The following CCDC3 variants were observed in gnomAD, a reference collection of about 807,000 sequenced individuals.
CCDC3 encodes coiled-coil domain containing 3.
CCDC3 carries 24 observed loss-of-function variants against 21.4 expected under a neutral mutation model. The ratio of observed to expected loss-of-function variants is 1.12; its 90% CI spans 0.81 to 1.58. The LOEUF (loss-of-function observed/expected upper bound fraction) is 1.58, where lower values mean the gene tolerates loss of function less well. Ranked by LOEUF, CCDC3 falls within the 40% of genes most tolerant of loss-of-function variation. The pLI is 0.00. For missense variants in CCDC3, 425 were observed against 360.9 expected, an observed-to-expected ratio of 1.18 and a Z score of -1.44; for synonymous variants, 186 against 166.0, an observed-to-expected ratio of 1.12 and a Z score of -0.93.
chr10:13,059,789 T>C (rs1283774883), intron 4 of CCDC3, among the ~76,000 whole-genome samples: 1 of 152,048 alleles, frequency 6.6e-6, no homozygotes, highest in Non-Finnish European at 1.5e-5. Context: ...AATCCCAACC[T>C]TTAAAAAAAC....
intron 4 of CCDC3, among the ~76,000 whole-genome samples, chr10:13,056,010 C>T: frequency 6.6e-6 from 1 of 152,170 alleles, no homozygotes; most frequent in Non-Finnish European, 1.5e-5. Context: ...GAAATATTTT[C>T]TACAGGAATA....
At chr10:13,000,187 C>A (rs905441176) in intron 1 of CCDC3, among the ~76,000 whole-genome samples, 1 of 152,206 alleles carries the variant, frequency 6.6e-6, no homozygotes, top group Non-Finnish European at 1.5e-5. Flanking sequence ...CAACCGATCA[C>A]CCCAACAGTG....
In CCDC3 at chr10:12,968,202, T is replaced by TACAC. The variant is rs71386134; in HGVS notation, c.549+30132_549+30135dup. 8.9e-3 allele frequency among the ~76,000 whole-genome samples: 1,285 copies of TACAC among 143,580 alleles called. 22 individuals are homozygous for TACAC. Among genetic ancestry groups the TACAC allele is most frequent in the East Asian group, 0.051 (249 of 4,870 alleles). 94.2% of individuals were successfully genotyped at this position (143,580 alleles called of 152,430 possible). ...AAAAGAAAATACAAACACACACACA[T>TACAC]ACACACACACACACACACACACAGA... On this transcript the variant is annotated intron_variant, in intron 2 of 2. Transcript: ENST00000378825.
At chr10:12,955,561 TTTTC>T (rs1835070794) in intron 2 of CCDC3, among the ~76,000 whole-genome samples, 1 of 152,124 alleles carries the variant, frequency 6.6e-6, no homozygotes, top group African/African-American at 2.4e-5. Context: ...TCATATTTTT[TTTTC>T]TTTGAGAGAC....
intron 2 of CCDC3, among the ~76,000 whole-genome samples, chr10:12,930,759 G>C (rs1366099410): frequency 6.6e-6 from 1 of 152,136 alleles, no homozygotes; most frequent in Non-Finnish European, 1.5e-5. Flanking sequence ...CAATGGATTG[G>C]ATAGTCTCCC....
At chr10:13,033,793 T>C (rs1836337460) in intron 5 of CCDC3, among the ~76,000 whole-genome samples, 3 of 152,300 alleles carry the variant, frequency 2.0e-5, no homozygotes, top group Middle Eastern at 3.4e-3. Context: ...CACAATGAGA[T>C]ACCATCTCAC....
chr10:13,009,114 T>C (rs1032948762), intron 5 of CCDC3, among the ~76,000 whole-genome samples: 2 of 152,212 alleles, frequency 1.3e-5, no homozygotes, highest in Admixed American at 6.5e-5. Context: ...ATCAATTGTA[T>C]TCTCTTTACT....
intron 4 of CCDC3, among the ~76,000 whole-genome samples, chr10:13,069,783 CA>C (rs1836862289): frequency 6.6e-6 from 1 of 152,182 alleles, no homozygotes; most frequent in African/African-American, 2.4e-5. Context: ...TATACGCTAT[CA>C]ATCATAATTA....
chr10:13,048,258 C>A (rs1056934773), intron 5 of CCDC3, among the ~76,000 whole-genome samples: 1 of 152,126 alleles, frequency 6.6e-6, no homozygotes, highest in African/African-American at 2.4e-5. Flanking sequence ...GTGGCGCGAT[C>A]TCAGCTCACT....
intron 5 of CCDC3, among the ~76,000 whole-genome samples, chr10:13,017,889 C>CA (rs779398337): frequency 1.2e-4 from 18 of 151,972 alleles, no homozygotes; most frequent in Non-Finnish European, 2.7e-4. Context: ...AGAATGGCTT[C>CA]AAAATCTTAT....
At chr10:13,040,852 G>A (rs1836445336) in intron 5 of CCDC3, among the ~76,000 whole-genome samples, 1 of 152,102 alleles carries the variant, frequency 6.6e-6, no homozygotes, top group African/African-American at 2.4e-5. Flanking sequence ...GTACGATGCT[G>A]GAGTCCTATC....
At chr10:13,017,507 A>G (rs1390291218) in intron 5 of CCDC3, among the ~76,000 whole-genome samples, 1 of 112,002 alleles carries the variant, frequency 8.9e-6, no homozygotes, top group Non-Finnish European at 1.9e-5. Flanking sequence ...ACAGAGCAAG[A>G]CTCCATCTCA....
chr10:13,014,403 T>C (rs1836023195), intron 5 of CCDC3, among the ~76,000 whole-genome samples: 1 of 143,332 alleles, frequency 7.0e-6, no homozygotes, highest in South Asian at 2.2e-4. Flanking sequence ...TGAGCCAAGA[T>C]CGTGCCGCTG....
chr10:12,900,866 A>G (rs1834082182), intron 2 of CCDC3, among the ~76,000 whole-genome samples: 1 of 151,732 alleles, frequency 6.6e-6, no homozygotes, highest in Non-Finnish European at 1.5e-5. Flanking sequence ...AGAGTAGTGG[A>G]CTCTGGTCTG....
intron 4 of CCDC3, among the ~76,000 whole-genome samples, chr10:13,055,218 A>G (rs1836665768): frequency 6.6e-6 from 1 of 152,218 alleles, no homozygotes; most frequent in African/African-American, 2.4e-5. Context: ...CAGGATTTCA[A>G]GAGAGTGGAA....
chr10:13,049,136 C>A (rs1274676427), intron 5 of CCDC3, among the ~76,000 whole-genome samples: 1 of 152,156 alleles, frequency 6.6e-6, no homozygotes, highest in Admixed American at 6.5e-5. Context: ...CCCCAGCTAT[C>A]CCTTCCCTTT....
chr10:12,972,780 G>A (rs758401890), intron 2 of CCDC3, among the ~76,000 whole-genome samples: 5 of 152,048 alleles, frequency 3.3e-5, no homozygotes, highest in Non-Finnish European at 5.9e-5. Flanking sequence ...TCACACCACC[G>A]CACTCCAGCC....
chr10:12,912,868 CCT>C (rs1394137794), intron 2 of CCDC3, among the ~76,000 whole-genome samples: 1 of 152,212 alleles, frequency 6.6e-6, no homozygotes, highest in Non-Finnish European at 1.5e-5. Context: ...AAGAGACTGT[CCT>C]CTCCCCGTTG....
At chr10:12,939,080 C>T (rs562786331) in intron 2 of CCDC3, among the ~76,000 whole-genome samples, 10 of 146,146 alleles carry the variant, frequency 6.8e-5, no homozygotes, top group African/African-American at 2.5e-4. Context: ...CCAGCCTTTA[C>T]GTGCCTCAAG....
Sources: gnomAD v4.1 joint callset for allele counts (sites outside exome capture counted in the v4.1 genomes callset) on GRCh38, gnomAD v4.1.1 for gene constraint, MANE v1.5 for transcripts, NCBI Gene and HGNC (gene_info 2026-07-23, HGNC 2026-07-21) for gene names.